The following GRID2 variants were observed in gnomAD, a reference collection of about 807,000 sequenced individuals.
The protein encoded by GRID2 is glutamate receptor ionotropic, delta-2.
A neutral mutation model predicts 114.8 loss-of-function variants in GRID2; 33 were observed. The observed-to-expected ratio is 0.29, with a 90% confidence interval of 0.22 to 0.38. The LOEUF (loss-of-function observed/expected upper bound fraction) is 0.38, where lower values mean the gene tolerates loss of function less well. GRID2 is among the 10% of genes least tolerant of loss of function. The pLI is 1.00. For synonymous variants in GRID2, 505 were observed against 449.9 expected (o/e 1.12, Z -1.55); for missense variants, 1,184 against 1,257.7 (o/e 0.94, Z 0.89).
At chr4:92,663,107 T>C (rs554207125) in intron 2 of GRID2, among the ~76,000 whole-genome samples, 22 of 151,142 alleles carry the variant, frequency 1.5e-4, no homozygotes, top group African/African-American at 5.3e-4. Flanking sequence ...CCACTACACA[T>C]ATAAAAAGCC....
chr4:93,522,431 G>C (rs1198544326), intron 13 of GRID2, among the ~76,000 whole-genome samples: 4 of 152,156 alleles, frequency 2.6e-5, no homozygotes, highest in Non-Finnish European at 5.9e-5. Flanking sequence ...ATGATTGTGA[G>C]TATTTGTCTA....
At chr4:93,188,899 A>G (rs1026257856) in intron 4 of GRID2, among the ~76,000 whole-genome samples, 4 of 152,180 alleles carry the variant, frequency 2.6e-5, no homozygotes, top group African/African-American at 9.7e-5. Context: ...CATGTTTCTC[A>G]TTTCTATCTG....
chr4:93,419,404 CA>C (rs1307834978), intron 9 of GRID2, among the ~76,000 whole-genome samples: 1 of 151,900 alleles, frequency 6.6e-6, no homozygotes, highest in Non-Finnish European at 1.5e-5. Context: ...AGAGAAGGAA[CA>C]AGTATCTTTT....
At chr4:93,354,426 T>G (rs1761111564) in intron 8 of GRID2, among the ~76,000 whole-genome samples, 2 of 151,902 alleles carry the variant, frequency 1.3e-5, no homozygotes, top group Admixed American at 1.3e-4. Context: ...AAGGACTAAA[T>G]GTAAGATGAA....
rs61653263 is a variant in GRID2 at position 92,548,401 on chromosome 4, A to ATTTTTTTTTTTTTTTTTTTTTTTTT, written c.89-41712_89-41711insTTTTTTTTTTTTTTTTTTTTTTTTT. ...ATGAAGACATTTCTGAGACTGTGTA[A>ATTTTTTTTTTTTTTTTTTTTTTTTT]TTTTTTTTTTTTTTTTTTGAGACAG... On this transcript the variant is annotated intron_variant, in intron 1 of 15. Transcript: ENST00000282020. 2.8e-3 allele frequency among the ~76,000 whole-genome samples: 170 copies of ATTTTTTTTTTTTTTTTTTTTTTTTT among 60,790 alleles called. 63 individuals carry two copies. Among genetic ancestry groups the ATTTTTTTTTTTTTTTTTTTTTTTTT allele is most frequent in the African/African-American group, 0.013 (148 of 11,756 alleles). The allele number at this position is 60,790 out of a possible 152,430, so 39.9% of individuals were successfully genotyped here. A position where few individuals can be genotyped will look rare whatever the true frequency, so the allele number is the denominator to read the frequency against.
At chr4:92,476,882 C>A (rs573339904) in intron 1 of GRID2, among the ~76,000 whole-genome samples, 1 of 152,146 alleles carries the variant, frequency 6.6e-6, no homozygotes, top group South Asian at 2.1e-4. Flanking sequence ...ACTTTTCTAT[C>A]TTTAATTTAT....
chr4:92,794,223 C>T (rs1035856871), intron 2 of GRID2, among the ~76,000 whole-genome samples: 3 of 151,782 alleles, frequency 2.0e-5, no homozygotes, highest in African/African-American at 7.3e-5. Context: ...TCAAGTGATC[C>T]TCCCAAACTG....
chr4:92,550,003 G>A (rs1178553163), intron 1 of GRID2, among the ~76,000 whole-genome samples: 6 of 152,058 alleles, frequency 3.9e-5, no homozygotes, highest in African/African-American at 9.7e-5. Context: ...AACATTTTGA[G>A]ATGCATAATT....
chr4:93,251,986 A>G (rs1748992938), intron 8 of GRID2, among the ~76,000 whole-genome samples: 1 of 152,124 alleles, frequency 6.6e-6, no homozygotes, highest in Non-Finnish European at 1.5e-5. Flanking sequence ...TATTCCTTTG[A>G]GTATGTAACT....
At chr4:92,504,840 T>C (rs1364378672) in intron 1 of GRID2, among the ~76,000 whole-genome samples, 1 of 152,056 alleles carries the variant, frequency 6.6e-6, no homozygotes, top group Non-Finnish European at 1.5e-5. Context: ...CATTTCATTT[T>C]GGGATATCAA....
At chr4:92,798,490 C>T (rs930555142) in intron 2 of GRID2, among the ~76,000 whole-genome samples, 8 of 151,976 alleles carry the variant, frequency 5.3e-5, no homozygotes, top group Non-Finnish European at 1.2e-4. Context: ...TTAAAGGGAC[C>T]ACTGCTAAAA....
intron 2 of GRID2, among the ~76,000 whole-genome samples, chr4:93,064,378 T>C (rs993412896): frequency 2.6e-5 from 4 of 151,792 alleles, no homozygotes; most frequent in African/African-American, 9.7e-5. Context: ...AATTTTATAA[T>C]TTTATGAATT....
At chr4:93,089,092 AG>A (rs2149326875) in intron 3 of GRID2, among the ~76,000 whole-genome samples, 1 of 152,236 alleles carries the variant, frequency 6.6e-6, no homozygotes, top group South Asian at 2.1e-4. Context: ...AAGCTGAAGT[AG>A]TGGGAGGTCA....
At chr4:93,790,498 A>G (rs969228055) in intron 1 of GRID2, among the ~76,000 whole-genome samples, 1 of 151,770 alleles carries the variant, frequency 6.6e-6, no homozygotes, top group Admixed American at 6.6e-5. Flanking sequence ...GAAAAGGTAT[A>G]CCTAATGGTT....
At chr4:92,942,730 G>T (rs1420533927) in intron 2 of GRID2, among the ~76,000 whole-genome samples, 1 of 152,130 alleles carries the variant, frequency 6.6e-6, no homozygotes, top group Non-Finnish European at 1.5e-5. Context: ...TCCACGTTTA[G>T]TGCTTCCTTC....
At chr4:93,059,597 T>G (rs889605205) in intron 2 of GRID2, among the ~76,000 whole-genome samples, 13 of 152,142 alleles carry the variant, frequency 8.5e-5, no homozygotes, top group African/African-American at 3.1e-4. Context: ...GATGATTGAT[T>G]TGGACACTTT....
At chr4:92,947,810 A>G (rs746743997) in intron 2 of GRID2, among the ~76,000 whole-genome samples, 31 of 151,918 alleles carry the variant, frequency 2.0e-4, no homozygotes, top group Non-Finnish European at 3.2e-4. Flanking sequence ...CATCTGCATC[A>G]TATATATCAC....
intron 8 of GRID2, among the ~76,000 whole-genome samples, chr4:93,307,323 G>A (rs1407700886): frequency 6.6e-6 from 1 of 151,882 alleles, no homozygotes; most frequent in Admixed American, 6.6e-5. Flanking sequence ...TAATACTAAT[G>A]AGTGACATTA....
At chr4:93,397,297 A>G (rs1480445727) in intron 9 of GRID2, among the ~76,000 whole-genome samples, 1 of 151,940 alleles carries the variant, frequency 6.6e-6, no homozygotes, top group African/African-American at 2.4e-5. Flanking sequence ...TTAAATGTGA[A>G]TTCGCTTCTG....
Sources: gnomAD v4.1 joint callset for allele counts (sites outside exome capture counted in the v4.1 genomes callset) on GRCh38, gnomAD v4.1.1 for gene constraint, MANE v1.5 for transcripts, NCBI Gene and HGNC (gene_info 2026-07-23, HGNC 2026-07-21) for gene names.